BARD1: variants seen among roughly 807,000 people sequenced by gnomAD.
BARD1 encodes BRCA1-associated RING domain protein 1.
Under a neutral mutation model 77.0 loss-of-function variants are expected in BARD1, and 73 were observed. The observed-to-expected ratio is 0.95, with a 90% CI of 0.79 to 1.15. The LOEUF (loss-of-function observed/expected upper bound fraction) is 1.15, where lower values mean the gene tolerates loss of function less well. Among genes scored for constraint, BARD1 ranks in the 50% most tolerant of loss-of-function variants. The pLI is 0.00. For missense variants in BARD1, 993 were observed against 938.8 expected, an observed-to-expected ratio of 1.06 and a Z score of -0.75; for synonymous variants, 384 against 338.0, an observed-to-expected ratio of 1.14 and a Z score of -1.49.
Position 214,777,615 on chromosome 2 carries a change from A to T in BARD1, c.1314+2945T>A, listed in dbSNP as rs114829047. ...ACATAAATAATCACCACCAAAAAAG[A>T]TGCATTATCTTTTGACAGCACAAAA... On this transcript the variant is annotated intron_variant, in intron 4 of 10. Transcript: ENST00000260947. 6.9e-3 allele frequency among the ~76,000 whole-genome samples: 1,057 copies of T among 152,334 alleles called. 10 individuals carry two copies. The highest frequency in any genetic ancestry group is 0.022 in the African/African-American group (919 of 41,562).
chr2:214,750,109 G>T (rs1388562547), intron 7 of BARD1, among the ~76,000 whole-genome samples: 2 of 152,046 alleles, frequency 1.3e-5, no homozygotes, highest in Admixed American at 1.3e-4. Context: ...CTCCCTTTCT[G>T]TTACTTTCCC....
In BARD1 at chr2:214,781,264, T is replaced by G. The variant is rs2106111446; in HGVS notation, c.610A>C (p.Lys204Gln). The stretch of plus-strand genomic sequence containing the variant: ...GCTAAAGTTTTCTTTTTTTGCTTTT[T>G]TCCAGATCTTGCAGAAGCCTTTTTA... ...RAKKASARSG[K>Q]KQKKKTLAEI... is the part of the protein sequence containing the mutation. The change falls in exon 4 of 11, where the codon AAA becomes CAA. Residue 204 changes from lysine (K) to glutamine (Q), a missense_variant. Transcript: ENST00000260947. 6.3e-7 allele frequency: 1 copy of G among 1,596,386 alleles called. No individual in the cohort carries two copies. Among genetic ancestry groups the G allele is most frequent in the Middle Eastern group, 1.7e-4 (1 of 5,948 alleles).
Position 214,726,397 on chromosome 2 carries a change from G to T in BARD1, c.*2279C>A, listed in dbSNP as rs1367536996. 3 of 207,724 alleles carry T rather than the reference G, an allele frequency of 1.4e-5. No individual in the cohort carries two copies. Among genetic ancestry groups the T allele is most frequent in the East Asian group, 7.4e-5 (1 of 13,512 alleles). 12.9% of individuals were successfully genotyped at this position (207,724 alleles called of 1,614,324 possible). ...CACTTTTAGAGACACAAAGCAATCA[G>T]TGTGTAATTGTTTCTTAATGACTAT... On this transcript the variant is annotated 3_prime_UTR_variant, in exon 11 of 11. Transcript: ENST00000260947.
chr2:214,808,027 T>C (rs569756196), intron 1 of BARD1, among the ~76,000 whole-genome samples: 2 of 152,346 alleles, frequency 1.3e-5, no homozygotes, highest in East Asian at 3.9e-4. Context: ...TTCTAAGAAG[T>C]GCAATGTCAT....
chr2:214,786,818 A>C (rs1574831102), intron 3 of BARD1, among the ~76,000 whole-genome samples: 1 of 151,952 alleles, frequency 6.6e-6, no homozygotes, highest in East Asian at 1.9e-4. Flanking sequence ...TGGTCCACAA[A>C]GTGTTATTAA....
At chr2:214,759,252 T>C (rs1249007213) in intron 6 of BARD1, among the ~76,000 whole-genome samples, 6 of 152,168 alleles carry the variant, frequency 3.9e-5, no homozygotes, top group African/African-American at 1.4e-4. Flanking sequence ...AAACTGTTAA[T>C]GGCAGATCAA....
At chr2:214,782,273 A>G (rs529938062) in intron 3 of BARD1, among the ~76,000 whole-genome samples, 34 of 152,112 alleles carry the variant, frequency 2.2e-4, no homozygotes, top group Non-Finnish European at 5.0e-4. Flanking sequence ...TACACATTAT[A>G]TGTTTTCACT....
At chr2:214,780,376 G>T (rs939888066) in intron 4 of BARD1, among the ~76,000 whole-genome samples, 184 bp downstream of exon 4, 2 of 152,166 alleles carry the variant, frequency 1.3e-5, no homozygotes, top group Non-Finnish European at 2.9e-5. Context: ...AGACTCAGGG[G>T]CCACTGCTCC....
intron 3 of BARD1, 113 bp downstream of exon 3, chr2:214,792,184 A>G: frequency 9.2e-7 from 1 of 1,084,706 alleles, no homozygotes; most frequent in Non-Finnish European, 1.3e-6. Flanking sequence ...AGATTTTAAA[A>G]TCTGAAATAC....
intron 4 of BARD1, among the ~76,000 whole-genome samples, chr2:214,775,148 A>AT (rs1694684510): frequency 6.6e-6 from 1 of 152,088 alleles, no homozygotes; most frequent in South Asian, 2.1e-4. Flanking sequence ...TACTTAAAGA[A>AT]TTTTTTCTTT....
At chr2:214,807,627 A>C (rs920586907) in intron 1 of BARD1, among the ~76,000 whole-genome samples, 7 of 152,236 alleles carry the variant, frequency 4.6e-5, no homozygotes, top group African/African-American at 1.7e-4. Context: ...ACAAATCCCC[A>C]ATACCCAGAA....
At chr2:214,759,216 T>G (rs1693834938) in intron 6 of BARD1, among the ~76,000 whole-genome samples, 1 of 152,152 alleles carries the variant, frequency 6.6e-6, no homozygotes, top group African/African-American at 2.4e-5. Context: ...TATTTTCTAC[T>G]TCAGAATTCA....
chr2:214,792,792 G>C (rs1695590363), intron 2 of BARD1, among the ~76,000 whole-genome samples: 1 of 152,070 alleles, frequency 6.6e-6, no homozygotes, highest in Non-Finnish European at 1.5e-5. Flanking sequence ...TCTTAACATT[G>C]CATGAAAATA....
At chr2:214,770,136 T>C (rs1039941556) in intron 4 of BARD1, among the ~76,000 whole-genome samples, 3 of 152,180 alleles carry the variant, frequency 2.0e-5, no homozygotes, top group African/African-American at 7.2e-5. Context: ...GAAGCAACAG[T>C]TGCTCTGTTT....
chr2:214,788,891 A>C (rs1463148662), intron 3 of BARD1, among the ~76,000 whole-genome samples: 1 of 152,114 alleles, frequency 6.6e-6, no homozygotes, highest in African/African-American at 2.4e-5. Flanking sequence ...TACTGCGTAA[A>C]ATACACTGAA....
intron 1 of BARD1, among the ~76,000 whole-genome samples, chr2:214,803,156 A>T (rs962944698): frequency 2.7e-5 from 4 of 149,960 alleles, no homozygotes; most frequent in Non-Finnish European, 5.9e-5. Flanking sequence ...ACCACTCCCT[A>T]ATCTCAAGTA....
intron 7 of BARD1, among the ~76,000 whole-genome samples, 183 bp downstream of exon 7, chr2:214,752,264 G>A (rs1693488916): frequency 6.6e-6 from 1 of 152,144 alleles, no homozygotes; most frequent in Non-Finnish European, 1.5e-5. Context: ...GGCTCAATAA[G>A]TATTTCTAGA....
In BARD1 at chr2:214,780,841, C is replaced by T; in HGVS notation, c.1033G>A (p.Gly345Arg). The T allele has an allele frequency of 6.2e-7, 1 of 1,614,100 alleles. No individual in the cohort carries two copies. Among genetic ancestry groups the T allele is most frequent in the Non-Finnish European group, 8.5e-7 (1 of 1,179,996 alleles). ...RCRTSILSTS[G>R]DFVKQTVPSE... ...GGCACCGTTTGCTTAACAAAATCTC[C>T]ACTGGTGCTCAGAATGCTGGTTCTA... is the stretch of plus-strand genomic sequence containing the variant. Residue 345 changes from glycine to arginine, a missense_variant, in exon 4 of 11, where the codon GGA (glycine) becomes AGA (arginine). Coordinates refer to ENST00000260947, the MANE Select transcript of BARD1 (RefSeq NM_000465.4).
intron 4 of BARD1, among the ~76,000 whole-genome samples, chr2:214,778,730 G>A (rs1041676743): frequency 6.6e-6 from 1 of 152,142 alleles, no homozygotes; most frequent in South Asian, 2.1e-4. Context: ...CGCTATGATA[G>A]AGATTTCATG....
Sources: allele counts gnomAD v4.1 joint callset (sites outside exome capture counted in the v4.1 genomes callset), GRCh38; gene constraint gnomAD v4.1.1; transcripts MANE v1.5; gene names NCBI Gene and HGNC (gene_info 2026-07-23, HGNC 2026-07-21).